MRPL42: variants seen among roughly 807,000 people sequenced by gnomAD.
MRPL42 encodes the protein mitochondrial ribosomal protein L42, also known as large ribosomal subunit protein mL42.
Under a neutral mutation model 17.9 loss-of-function variants are expected in MRPL42, and 17 were observed. The ratio of observed to expected loss-of-function variants is 0.95; its 90% CI spans 0.65 to 1.42. The LOEUF (loss-of-function observed/expected upper bound fraction) is 1.42, where lower values mean the gene tolerates loss of function less well. Among genes scored for constraint, MRPL42 ranks in the 40% most tolerant of loss-of-function variants. The pLI, the probability that MRPL42 is intolerant of heterozygous loss-of-function variation, is 0.00. For synonymous variants in MRPL42, 59 were observed against 54.4 expected, an observed-to-expected ratio of 1.08 and a Z score of -0.37; for missense variants, 177 against 175.2, an observed-to-expected ratio of 1.01 and a Z score of -0.06.
intron 2 of MRPL42, among the ~76,000 whole-genome samples, chr12:93,475,667 G>A (rs1382278465): frequency 2.0e-5 from 3 of 151,544 alleles, no homozygotes; most frequent in South Asian, 4.2e-4. Flanking sequence ...TTGAACATAG[G>A]AGAATCTTTC....
intron 3 of MRPL42, among the ~76,000 whole-genome samples, chr12:93,478,483 T>C (rs2121192153): frequency 1.3e-5 from 2 of 152,172 alleles, no homozygotes; most frequent in Middle Eastern, 6.8e-3. Context: ...ACTCCTGAGC[T>C]CAAGTGATCC....
chr12:93,475,171 A>G (rs771624879), intron 2 of MRPL42, among the ~76,000 whole-genome samples: 1 of 151,892 alleles, frequency 6.6e-6, no homozygotes, highest in Non-Finnish European at 1.5e-5. Context: ...CTGGAGTGCA[A>G]TGGCACGATC....
At chr12:93,490,538 T>C (rs1054546437) in intron 5 of MRPL42, among the ~76,000 whole-genome samples, 1 of 152,246 alleles carries the variant, frequency 6.6e-6, no homozygotes, top group African/African-American at 2.4e-5. Context: ...TCACTTATCA[T>C]TCAACACATA....
chr12:93,491,079 C>T (rs970470503), intron 5 of MRPL42, among the ~76,000 whole-genome samples: 1 of 151,736 alleles, frequency 6.6e-6, no homozygotes, highest in African/African-American at 2.4e-5. Flanking sequence ...TTAGTAGAGA[C>T]GGGGTTTCAC....
chr12:93,477,419 T>C (rs991868242), intron 3 of MRPL42, among the ~76,000 whole-genome samples: 6 of 152,190 alleles, frequency 3.9e-5, no homozygotes, highest in African/African-American at 1.2e-4. Flanking sequence ...AGCCACCATT[T>C]ATTTGGTACT....
rs1592794210 is a variant in MRPL42, at chr12:93,509,715, A to C, written c.*8494A>C. Reference sequence around the variant, plus strand: ...CTGTGCTGATCAGTAGTGGGATCACACCTGTGAATAGCCACTGCACTGCAG... The same window carrying C: ...CTGTGCTGATCAGTAGTGGGATCACCCCTGTGAATAGCCACTGCACTGCAG... On this transcript the variant is annotated 3_prime_UTR_variant, in exon 6 of 6. Transcript: ENST00000549982. 6.6e-6 allele frequency: 1 copy of C among 151,858 alleles called. No homozygotes were observed. The highest frequency in any genetic ancestry group is 1.9e-4 in the East Asian group (1 of 5,156). The allele number at this position is 151,858 out of a possible 1,614,324, so 9.4% of individuals were successfully genotyped here. A position where few individuals can be genotyped will look rare whatever the true frequency, so the allele number is the denominator to read the frequency against.
chr12:93,477,636 G>A (rs776377455), intron 3 of MRPL42, among the ~76,000 whole-genome samples: 1 of 151,700 alleles, frequency 6.6e-6, no homozygotes, highest in Non-Finnish European at 1.5e-5. Context: ...TTGTTCTCTC[G>A]CTCAGGCTGG....
intron 4 of MRPL42, among the ~76,000 whole-genome samples, chr12:93,479,763 T>C (rs1880366514): frequency 2.0e-5 from 3 of 152,096 alleles, no homozygotes; most frequent in Admixed American, 6.5e-5. Flanking sequence ...AGTATAAAAT[T>C]ATAAAATGCA....
chr12:93,496,891 T>C (rs969864478), intron 5 of MRPL42, among the ~76,000 whole-genome samples: 5 of 152,166 alleles, frequency 3.3e-5, no homozygotes, highest in African/African-American at 1.2e-4. Context: ...AGGCTCACTG[T>C]AACCTCCGTC....
intron 5 of MRPL42, among the ~76,000 whole-genome samples, chr12:93,499,804 A>G (rs1372265751): frequency 1.3e-5 from 2 of 152,210 alleles, no homozygotes; most frequent in African/African-American, 2.4e-5. Flanking sequence ...GAAGTTGCCC[A>G]TATGAAACCT....
intron 1 of MRPL42, among the ~76,000 whole-genome samples, chr12:93,468,071 G>A (rs1207995877): frequency 6.6e-6 from 1 of 152,214 alleles, no homozygotes; most frequent in Admixed American, 6.5e-5. Context: ...GATATACTGA[G>A]CAAGTAATCG....
chr12:93,474,957 A>G (rs892928875), intron 2 of MRPL42, among the ~76,000 whole-genome samples: 14 of 152,148 alleles, frequency 9.2e-5, no homozygotes, highest in African/African-American at 3.1e-4. Context: ...TTAGCCGGAC[A>G]TGGTGGGCGC....
At chr12:93,479,238 G>A (rs1425303331) in intron 3 of MRPL42, 150 bp from the exon 4 acceptor site, 3 of 385,928 alleles carry the variant, frequency 7.8e-6, no homozygotes, top group Non-Finnish European at 1.4e-5. Context: ...TGATTATTAG[G>A]CCGGGCACTA....
At position 93,513,219 on chromosome 12, in the gene MRPL42, T is replaced by A. The variant is rs1592795564; in HGVS notation, c.*11998T>A. ...TTTTTTTTTTTTTTGAGAGAGAGGG[T>A]CTCATTCATTTTATTGCCCAGGCTG... On this transcript the variant is annotated 3_prime_UTR_variant, in exon 6 of 6. Transcript: ENST00000549982. The A allele has an allele frequency of 1.1e-5, 1 of 90,768 alleles. No individual in the cohort carries two copies. The allele number at this position is 90,768 out of a possible 1,614,324, so 5.6% of individuals were successfully genotyped here.
At chr12:93,474,251 CAG>C (rs1280588936) in intron 2 of MRPL42, among the ~76,000 whole-genome samples, 1 of 151,860 alleles carries the variant, frequency 6.6e-6, no homozygotes, top group East Asian at 1.9e-4. Flanking sequence ...GGTTTATATT[CAG>C]AGATACAAAA....
rs1417059619 is a variant in MRPL42, at chr12:93,510,346, A to G, written c.*9125A>G. ...AACAGTTTATCCATTCACCTGCTGA[A>G]GGACATCTTGGTTGATTGCTTCCAA... On this transcript the variant is annotated 3_prime_UTR_variant, in exon 6 of 6. Transcript: ENST00000549982. 6.6e-6 allele frequency: 1 copy of G among 152,186 alleles called. No individual in the cohort carries two copies. Among genetic ancestry groups the G allele is most frequent in the Non-Finnish European group, 1.5e-5 (1 of 68,024 alleles). 9.4% of individuals were successfully genotyped at this position (152,186 alleles called of 1,614,324 possible). A position where few individuals can be genotyped will look rare whatever the true frequency, so the allele number is the denominator to read the frequency against.
At chr12:93,499,452 A>G (rs1002444338) in intron 5 of MRPL42, among the ~76,000 whole-genome samples, 1 of 152,210 alleles carries the variant, frequency 6.6e-6, no homozygotes, top group Admixed American at 6.5e-5. Context: ...CACCTATTCA[A>G]AATTTTTACA....
At chr12:93,470,305 C>G (rs1879847012) in intron 2 of MRPL42, among the ~76,000 whole-genome samples, 1 of 152,066 alleles carries the variant, frequency 6.6e-6, no homozygotes, top group Non-Finnish European at 1.5e-5. Context: ...AGTCTTTTTT[C>G]TCAGCCAACT....
chr12:93,494,682 GTCA>G lies in MRPL42; in HGVS notation c.384-6487_384-6485del, dbSNP rs145931356. 9.2e-3 allele frequency among the ~76,000 whole-genome samples: 1,397 copies of G among 152,262 alleles called. 13 individuals are homozygous for G. Among genetic ancestry groups the G allele is most frequent in the South Asian group, 0.051 (245 of 4,822 alleles). On this transcript the variant is annotated intron_variant, in intron 5 of 5. Transcript: ENST00000549982. Reference sequence around the variant, plus strand: ...GTCTTGACCACAGATGGATTTGGAAGTCATCATCACACAGATGGTATTTAATGC... The same window carrying G: ...GTCTTGACCACAGATGGATTTGGAAGTCATCACACAGATGGTATTTAATGC...
Sources: allele counts gnomAD v4.1 joint callset (sites outside exome capture counted in the v4.1 genomes callset), GRCh38; gene constraint gnomAD v4.1.1; transcripts MANE v1.5; gene names NCBI Gene and HGNC (gene_info 2026-07-23, HGNC 2026-07-21).